Variants in CCL17 observed in about 807,000 individuals in gnomAD.
CCL17 encodes C-C motif chemokine ligand 17, also known as C-C motif chemokine 17.
CCL17 carries 8 observed loss-of-function variants against 7.4 expected under a neutral mutation model. The observed-to-expected ratio is 1.09, with a 90% CI of 0.64 to 1.96. The LOEUF is 1.96. CCL17 is among the 30% of genes most tolerant of loss of function. The pLI is 0.00. For missense variants in CCL17, 102 were observed against 113.0 expected, an observed-to-expected ratio of 0.90 and a Z score of 0.44; for synonymous variants, 40 against 46.1, an observed-to-expected ratio of 0.87 and a Z score of 0.54.
At position 57,415,011 on chromosome 16, in the gene CCL17, C is replaced by A. The variant is rs557195478; in HGVS notation, c.71-70C>A. 1 of 976,402 alleles carries A rather than the reference C, an allele frequency of 1.0e-6. No homozygotes were observed. 60.5% of individuals were successfully genotyped at this position (976,402 alleles called of 1,614,324 possible). On this transcript the variant is annotated intron_variant, in intron 2 of 3. Coordinates refer to ENST00000219244, the MANE Select transcript of CCL17 (RefSeq NM_002987.3). The surrounding 1 kb of genome is among the most constrained non-coding windows in gnomAD (Gnocchi z 4.5). ...CGCACATGCAGATCTTCCACGAACA[C>A]CCCCCAGAGGTCCCCGCAACACACA...
At chr16:57,409,635 C>A (rs1210756315) in intron 1 of CCL17, among the ~76,000 whole-genome samples, 2 of 152,164 alleles carry the variant, frequency 1.3e-5, no homozygotes, top group Non-Finnish European at 2.9e-5. Context: ...ATTCAGGACG[C>A]ATGCAGGTAG....
the CCL17 span, among the ~76,000 whole-genome samples, chr16:57,396,945 C>T: frequency 6.6e-6 from 1 of 152,158 alleles, no homozygotes; most frequent in Admixed American, 6.5e-5. Flanking sequence ...AGTGTAAAAG[C>T]TGGATTGCGA....
chr16:57,415,873 C>A lies in CCL17; in HGVS notation c.*12C>A. The A allele has an allele frequency of 6.5e-7, 1 of 1,528,826 alleles. No individual in the cohort carries two copies. The highest frequency in any genetic ancestry group is 9.1e-7 in the Non-Finnish European group (1 of 1,102,384). The allele number at this position is 1,528,826 out of a possible 1,614,324, so 94.7% of individuals were successfully genotyped here. On this transcript the variant is annotated 3_prime_UTR_variant, in exon 4 of 4. Transcript: ENST00000219244. This position sits in a 1 kb window ranked among gnomAD's most constrained non-coding sequence, Gnocchi z 4.5. Reference sequence around the variant, plus strand: ...TTGAGAGGTCTTGAAGCCTCCTCACCCCAGACTCCTGACTGTCTCCCGGGA... The same window carrying A: ...TTGAGAGGTCTTGAAGCCTCCTCACACCAGACTCCTGACTGTCTCCCGGGA...
chr16:57,414,616 C>T lies in CCL17; in HGVS notation c.71-465C>T, dbSNP rs189835514. 1.6e-3 allele frequency among the ~76,000 whole-genome samples: 248 copies of T among 151,922 alleles called. 2 individuals are homozygous for T. Among genetic ancestry groups the T allele is most frequent in the African/African-American group, 5.6e-3 (234 of 41,444 alleles). ...TTCACCATGTTGGTCAGGCTGGTCT[C>T]GAACTCCTGACCTCAGGCCATCCAC... is the stretch of plus-strand genomic sequence containing the variant. On this transcript the variant is annotated intron_variant, in intron 2 of 3. Coordinates refer to ENST00000219244, the MANE Select transcript of CCL17 (RefSeq NM_002987.3).
upstream of CCL17, among the ~76,000 whole-genome samples, chr16:57,403,446 A>ATTATATAATAT (rs1292348863): frequency 8.0e-5 from 1 of 12,554 alleles, no homozygotes; most frequent in African/African-American, 9.3e-4. Context: ...TAATATATAT[A>ATTATATAATAT]TTATATTATA....
intron 1 of CCL17, among the ~76,000 whole-genome samples, chr16:57,412,843 G>A (rs1416397924): frequency 1.3e-5 from 2 of 152,206 alleles, no homozygotes; most frequent in Non-Finnish European, 2.9e-5. Context: ...GGGTGGCCAG[G>A]GGACTGACCC....
chr16:57,411,445 G>T (rs1028611990), intron 1 of CCL17, among the ~76,000 whole-genome samples: 12 of 152,174 alleles, frequency 7.9e-5, no homozygotes, highest in African/African-American at 2.7e-4. Flanking sequence ...GGGGAATTTG[G>T]GTCCTTCTGA....
rs553640400 is a variant in CCL17 at position 57,405,302 on chromosome 16, A to AAGGATG, written c.-60+470_-60+475dup. Among the ~76,000 whole-genome samples, 276 of 152,254 alleles carry AAGGATG rather than the reference A, an allele frequency of 1.8e-3. 2 individuals carry two copies. The highest frequency in any genetic ancestry group is 6.5e-3 in the African/African-American group (271 of 41,542). The stretch of plus-strand genomic sequence containing the variant: ...AAGTTTTTGAGACTCTCTGGGTGTG[A>AAGGATG]AGGATGAGGGCTGAGCCAGTGGAGA... On this transcript the variant is annotated intron_variant, in intron 1 of 3. Transcript: ENST00000219244.
intron 1 of CCL17, among the ~76,000 whole-genome samples, chr16:57,407,061 A>C (rs141688179): frequency 7.4e-4 from 113 of 152,316 alleles, no homozygotes; most frequent in African/African-American, 2.4e-3. Flanking sequence ...GGAAGTACAG[A>C]CCACACATCG....
the CCL17 span, among the ~76,000 whole-genome samples, chr16:57,396,200 G>A: frequency 6.6e-6 from 1 of 152,296 alleles, no homozygotes. Flanking sequence ...TGAGCTTTGA[G>A]GTGCACTGAT....
At chr16:57,406,683 G>T (rs8057799) in intron 1 of CCL17, among the ~76,000 whole-genome samples, 1 of 152,090 alleles carries the variant, frequency 6.6e-6, no homozygotes, top group African/African-American at 2.4e-5. Context: ...ATGACAAGGC[G>T]ATTCCCTGAG....
chr16:57,401,850 G>A (rs1902598740), upstream of CCL17, among the ~76,000 whole-genome samples: 1 of 152,132 alleles, frequency 6.6e-6, no homozygotes, highest in Non-Finnish European at 1.5e-5. Flanking sequence ...CTGCCCCCCG[G>A]GGACGTCACC....
chr16:57,396,645 A>G, the CCL17 span, among the ~76,000 whole-genome samples: 36,483 of 152,032 alleles, frequency 0.24, 6,915 homozygotes, highest in African/African-American at 0.53. Flanking sequence ...TATTAAACCT[A>G]GACTGTTTGT....
In CCL17 at chr16:57,404,817, A is replaced by T. The variant is rs1223674788; in HGVS notation, c.-79A>T. 6.5e-6 allele frequency: 1 copy of T among 154,344 alleles called. No individual in the cohort carries two copies. Among genetic ancestry groups the T allele is most frequent in the Non-Finnish European group, 1.5e-5 (1 of 68,208 alleles). 9.6% of individuals were successfully genotyped at this position (154,344 alleles called of 1,614,324 possible). On this transcript the variant is annotated 5_prime_UTR_variant, in exon 1 of 4. Transcript: ENST00000219244. ...CACAGTGTCACCGCCTGCTGATGGG[A>T]GAGCTGAATTCAAAACCAGGTGACC...
chr16:57,411,071 T>C (rs1232500926), intron 1 of CCL17, among the ~76,000 whole-genome samples: 3 of 152,214 alleles, frequency 2.0e-5, no homozygotes, highest in African/African-American at 7.2e-5. Flanking sequence ...ATGTCCTTTC[T>C]TCCAATCTCA....
rs1391176996 is a variant in CCL17, at chr16:57,413,987, C to T, written c.55C>T (p.Gln19Ter). ...CACCCTCCTCCTGGGGGCTTCTCTG[C>T]AGCACATCCACGCAGGTGAGAGCAG... is the stretch of plus-strand genomic sequence containing the variant. The part of the protein sequence containing the change: ...LVTLLLGASL[Q>*]HIHAARGTNV... Residue 19 changes from glutamine to a stop codon, truncating the protein, a stop_gained, in exon 2 of 4, where the codon CAG becomes TAG. Coordinates refer to ENST00000219244, the MANE Select transcript of CCL17 (RefSeq NM_002987.3). LOFTEE classifies it high-confidence loss of function. The T allele has an allele frequency of 1.2e-6, 2 of 1,611,630 alleles. No homozygotes were observed.
intron 1 of CCL17, 41 bp from the exon 2 acceptor site, chr16:57,413,831 CAA>C: frequency 1.0e-6 from 1 of 967,802 alleles, no homozygotes; most frequent in South Asian, 1.7e-5. Context: ...GCAAGACCCC[CAA>C]AGAGGTTAAA....
intron 1 of CCL17, among the ~76,000 whole-genome samples, chr16:57,407,924 T>C (rs1567562447): frequency 6.9e-6 from 1 of 144,636 alleles, no homozygotes; most frequent in Non-Finnish European, 1.5e-5. Flanking sequence ...CCCATCCATC[T>C]ATCTATTTAT....
In CCL17 at chr16:57,415,094, T is replaced by C. The variant is rs61737346; in HGVS notation, c.84T>C (p.Asn28=). 4,703 of 1,613,104 alleles carry C rather than the reference T, an allele frequency of 2.9e-3. 107 individuals carry two copies. In the African/African-American group the frequency reaches 0.051, roughly 18 times the overall value. ...LQHIHAARGT[N]VGRECCLEYF... is the part of the protein sequence containing the mutation. ...CTCTCCCTGCAGCTCGAGGGACCAA[T>C]GTGGGCCGGGAGTGCTGCCTGGAGT... Residue 28 remains asparagine, a synonymous_variant, in exon 3 of 4, where the codon AAT becomes AAC. Coordinates refer to ENST00000219244, the MANE Select transcript of CCL17 (RefSeq NM_002987.3). The surrounding 1 kb of genome is among the most constrained non-coding windows in gnomAD (Gnocchi z 4.5).
Sources: allele counts gnomAD v4.1 joint callset (sites outside exome capture counted in the v4.1 genomes callset), GRCh38; gene constraint gnomAD v4.1.1; non-coding constraint Gnocchi (gnomAD v3.1); transcripts MANE v1.5; gene names NCBI Gene and HGNC (gene_info 2026-07-23, HGNC 2026-07-21).